ZNF846: variants seen among roughly 807,000 people sequenced by gnomAD.
ZNF846 encodes zinc finger protein 420 pseudogene.
ZNF846 carries 15 observed loss-of-function variants against 16.0 expected under a neutral mutation model. That is an observed-to-expected ratio of 0.94 (90% CI 0.63 to 1.45). ZNF846 has a LOEUF of 1.45. ZNF846 is among the 40% of genes most tolerant of loss of function. The pLI is 0.00. For missense variants in ZNF846, 714 were observed against 622.3 expected (o/e 1.15, Z -1.57); for synonymous variants, 229 against 212.0 (o/e 1.08, Z -0.70).
intron 1 of ZNF846, among the ~76,000 whole-genome samples, chr19:9,767,883 A>G (rs761152803): frequency 6.6e-5 from 10 of 152,174 alleles, no homozygotes; most frequent in African/African-American, 1.4e-4. Flanking sequence ...CAGTGAGCCT[A>G]TATCACGCCA....
Position 9,764,727 on chromosome 19 carries a change from T to C in ZNF846, c.15+209A>G, listed in dbSNP as rs2045286906. The C allele has an allele frequency of 1.2e-5, 7 of 597,868 alleles. No individual in the cohort carries two copies. The Admixed American group carries it at 2.0e-4, about 17-fold the overall frequency. The allele number at this position is 597,868 out of a possible 1,614,324, so 37.0% of individuals were successfully genotyped here. ...ACAAAGAGAGAGCCCCGTTGCACTGTGGGCTGCTGGCCAGATCCCGCAATA... is the reference window on the plus strand; with the variant it reads ...ACAAAGAGAGAGCCCCGTTGCACTGCGGGCTGCTGGCCAGATCCCGCAATA... On this transcript the variant is annotated intron_variant, in intron 2 of 5. Transcript: ENST00000397902.
upstream of ZNF846, among the ~76,000 whole-genome samples, chr19:9,769,116 G>C (rs1407000509): frequency 6.6e-6 from 1 of 152,196 alleles, no homozygotes; most frequent in East Asian, 1.9e-4. Flanking sequence ...ATAAGGCTCC[G>C]GTCTGTCGCC....
chr19:9,762,032 C>T, intron 4 of ZNF846, 50 bp downstream of exon 4: 3 of 1,471,310 alleles, frequency 2.0e-6, no homozygotes, highest in Non-Finnish European at 9.5e-7. Flanking sequence ...CTGCATGTCT[C>T]CTAGGGTGGC....
chr19:9,764,715 C>A, intron 2 of ZNF846: 3 of 563,828 alleles, frequency 5.3e-6, no homozygotes, highest in Non-Finnish European at 9.5e-6. Context: ...AAGAGAGAGC[C>A]CCGTTGCACT....
At chr19:9,757,490 T>C (rs563251527) in exon 6 of ZNF846, 5 of 1,575,900 alleles carry the variant, frequency 3.2e-6, no homozygotes, top group East Asian at 2.2e-5. Flanking sequence ...TTTTTTCACA[T>C]GCCTTAGTTC....
chr19:9,768,487 G>A (rs1035819748), exon 1 of ZNF846: 1 of 152,416 alleles, frequency 6.6e-6, no homozygotes, highest in African/African-American at 2.4e-5. Context: ...CGGGCGCAGC[G>A]GGAAGAGGCG....
In ZNF846 at chr19:9,764,961, T is replaced by C. The variant is rs768461744; in HGVS notation, c.-11A>G. 5.0e-6 allele frequency: 8 copies of C among 1,613,974 alleles called. No homozygotes were observed. The Admixed American group carries it at 5.0e-5, about 10-fold the overall frequency. ...CTGAGAAGAATCCATCAGTAATCCA[T>C]CAGTAACCCAGCCACTAGCCTTGGC... On this transcript the variant is annotated 5_prime_UTR_variant, in exon 2 of 6. An upstream start codon of the reference 5' UTR is lost. Coordinates refer to ENST00000397902, the Ensembl canonical transcript of ZNF846.
chr19:9,751,281 C>T (rs769986686), downstream of ZNF846, among the ~76,000 whole-genome samples: 61 of 152,210 alleles, frequency 4.0e-4, no homozygotes, highest in Admixed American at 1.1e-3. Flanking sequence ...GGTTCCCACA[C>T]CACCGCTAAT....
At chr19:9,774,838 C>A (rs2045421868) in intron 1 of ZNF846, 7 of 1,609,142 alleles carry the variant, frequency 4.4e-6, no homozygotes, top group African/African-American at 1.3e-5. Context: ...TGGTGAATGA[C>A]CCCCAGCCCG....
At chr19:9,780,866 T>C (rs1352569046) in intron 1 of ZNF846, among the ~76,000 whole-genome samples, 1 of 152,222 alleles carries the variant, frequency 6.6e-6, no homozygotes, top group Non-Finnish European at 1.5e-5. Flanking sequence ...TTTTCAACAG[T>C]GGCTGCACAT....
chr19:9,757,918 T>C (rs368014241), exon 6 of ZNF846: 6 of 1,613,556 alleles, frequency 3.7e-6, no homozygotes, highest in African/African-American at 2.7e-5. Flanking sequence ...CCAGTATGTG[T>C]TCTCATGTGT....
At chr19:9,768,428 GA>G in exon 1 of ZNF846, 1 of 152,292 alleles carries the variant, frequency 6.6e-6, no homozygotes, top group Non-Finnish European at 1.5e-5. Context: ...GGTGGTTGGA[GA>G]AAAAAACACG....
exon 6 of ZNF846, chr19:9,758,527 T>C (rs761651241): frequency 1.2e-6 from 2 of 1,613,420 alleles, no homozygotes; most frequent in South Asian, 1.1e-5. Context: ...CTAGTAAGAT[T>C]TGGAAACTGG....
At chr19:9,784,565 C>T (rs2045539011) in intron 1 of ZNF846, among the ~76,000 whole-genome samples, 3 of 152,148 alleles carry the variant, frequency 2.0e-5, no homozygotes. Flanking sequence ...CCTCTTATCT[C>T]AACTGCAAAG....
At chr19:9,768,561 C>G (rs747370523) in exon 1 of ZNF846, 6 of 152,238 alleles carry the variant, frequency 3.9e-5, no homozygotes, top group Non-Finnish European at 7.3e-5. Flanking sequence ...GCCGCTTCTC[C>G]GGAGCAGCAG....
intron 2 of ZNF846, among the ~76,000 whole-genome samples, chr19:9,764,367 T>C (rs2045280444): frequency 6.6e-6 from 1 of 152,238 alleles, no homozygotes. Flanking sequence ...ATTGTGTTTC[T>C]GTTTTAAGGC....
intron 4 of ZNF846, among the ~76,000 whole-genome samples, 167 bp from the exon 5 acceptor site, chr19:9,760,109 T>C (rs2045200843): frequency 6.6e-6 from 1 of 151,304 alleles, no homozygotes; most frequent in African/African-American, 2.5e-5. Context: ...CTGGCCAACA[T>C]GGTGAAACAC....
intron 1 of ZNF846, among the ~76,000 whole-genome samples, chr19:9,778,373 C>G (rs992111906): frequency 6.6e-6 from 1 of 152,170 alleles, no homozygotes; most frequent in Non-Finnish European, 1.5e-5. Flanking sequence ...AAAGGCATCC[C>G]CAGTAGTGAC....
chr19:9,768,679 T>A (rs139114763), upstream of ZNF846: 3 of 152,324 alleles, frequency 2.0e-5, no homozygotes, highest in East Asian at 1.9e-4. Context: ...AGGTTGAGCA[T>A]GAGCGCTGGC....
Sources: allele counts gnomAD v4.1 joint callset (sites outside exome capture counted in the v4.1 genomes callset), GRCh38; gene constraint gnomAD v4.1.1; transcripts MANE v1.5; gene names NCBI Gene and HGNC (gene_info 2026-07-23, HGNC 2026-07-21).